Variants in MME observed in about 807,000 individuals in gnomAD.
MME encodes the protein membrane metalloendopeptidase, also known as neprilysin.
Under a neutral mutation model 113.2 loss-of-function variants are expected in MME, and 98 were observed. The ratio of observed to expected loss-of-function variants is 0.87; its 90% CI spans 0.74 to 1.02. MME has a LOEUF of 1.02. Among genes scored for constraint, MME ranks in the 50% least tolerant of loss-of-function variants. The pLI, the probability that MME is intolerant of heterozygous loss-of-function variation, is 0.00. For missense variants in MME, 836 were observed against 896.0 expected, an observed-to-expected ratio of 0.93 and a Z score of 0.86; for synonymous variants, 292 against 300.6, an observed-to-expected ratio of 0.97 and a Z score of 0.30.
At chr3:155,087,079 C>A (rs1324388915) in intron 3 of MME, among the ~76,000 whole-genome samples, 6 of 150,162 alleles carry the variant, frequency 4.0e-5, no homozygotes, top group African/African-American at 1.5e-4. Flanking sequence ...ATCAAGCAGT[C>A]CTCCTACTTG....
intron 1 of MME, among the ~76,000 whole-genome samples, chr3:155,055,947 G>T (rs1023525450): frequency 5.3e-5 from 8 of 152,034 alleles, no homozygotes; most frequent in Admixed American, 2.0e-4. Flanking sequence ...TTAGGCCATT[G>T]TTTGTTTGTT....
intron 1 of MME, among the ~76,000 whole-genome samples, chr3:155,059,127 C>T (rs369318961): frequency 4.0e-5 from 6 of 151,820 alleles, no homozygotes; most frequent in Non-Finnish European, 5.9e-5. Context: ...TGCTGGTGTA[C>T]GCCTGTAATC....
chr3:155,052,722 C>T (rs1436030309), intron 1 of MME, among the ~76,000 whole-genome samples: 1 of 152,192 alleles, frequency 6.6e-6, no homozygotes, highest in African/African-American at 2.4e-5. Flanking sequence ...TTTGGCATGT[C>T]GTGGAGACAT....
At chr3:155,097,584 A>C (rs1417059845) in intron 3 of MME, among the ~76,000 whole-genome samples, 1 of 152,186 alleles carries the variant, frequency 6.6e-6, no homozygotes, top group Non-Finnish European at 1.5e-5. Flanking sequence ...AAGAGGATGT[A>C]TATCCAGAGA....
intron 1 of MME, among the ~76,000 whole-genome samples, chr3:155,059,817 CTAAT>C (rs1236651104): frequency 6.6e-6 from 1 of 152,000 alleles, no homozygotes; most frequent in East Asian, 1.9e-4. Context: ...TTTATATAGT[CTAAT>C]CAATCAGAAA....
Position 155,115,080 on chromosome 3 carries a change from A to C in MME, c.283A>C (p.Asn95His). ...KYACGGWLKR[N>H]VIPETSSRYG... ...TGCTTGCGGAGGCTGGTTGAAACGT[A>C]ATGTCATTCCCGAGACCAGCTCCCG... The change falls in exon 4 of 23, where the codon AAT becomes CAT. Residue 95 changes from asparagine to histidine, a missense_variant. Transcript: ENST00000360490. The C allele has an allele frequency of 6.2e-7, 1 of 1,614,122 alleles. No individual in the cohort carries two copies. Among genetic ancestry groups the C allele is most frequent in the Non-Finnish European group, 8.5e-7 (1 of 1,180,016 alleles).
chr3:155,153,448 A>G (rs892141751), intron 16 of MME, among the ~76,000 whole-genome samples: 14 of 152,222 alleles, frequency 9.2e-5, no homozygotes, highest in African/African-American at 3.4e-4. Context: ...TGAATCGGGA[A>G]TATAATACCC....
intron 1 of MME, among the ~76,000 whole-genome samples, chr3:155,051,170 G>A (rs1454112377): frequency 2.0e-5 from 3 of 152,278 alleles, no homozygotes; most frequent in African/African-American, 7.2e-5. Flanking sequence ...CTAGAAGTAA[G>A]AACAAACATC....
chr3:155,124,768 C>T (rs887532419), intron 8 of MME, among the ~76,000 whole-genome samples: 2 of 151,990 alleles, frequency 1.3e-5, no homozygotes, highest in Admixed American at 6.5e-5. Context: ...AGGAGGCAGT[C>T]TGCCGGTTCT....
chr3:155,050,665 T>C (rs945308080), intron 1 of MME, among the ~76,000 whole-genome samples: 6 of 152,214 alleles, frequency 3.9e-5, no homozygotes, highest in Non-Finnish European at 7.3e-5. Flanking sequence ...TTTGCCCACT[T>C]TTTAATGGGG....
Position 155,182,333 on chromosome 3 carries a change from T to C in MME, c.*1874T>C, listed in dbSNP as rs1713176105. ...CTATTGTTGATGGGCACTTGAGAACTTTCCATTTTGGCGCTATTACAAATA... is the reference window on the plus strand; with the variant it reads ...CTATTGTTGATGGGCACTTGAGAACCTTCCATTTTGGCGCTATTACAAATA... On this transcript the variant is annotated 3_prime_UTR_variant, in exon 23 of 23. Coordinates refer to ENST00000360490, the MANE Select transcript of MME (RefSeq NM_007289.4). The C allele has an allele frequency of 6.6e-6, 1 of 152,208 alleles. No individual in the cohort carries two copies. The highest frequency in any genetic ancestry group is 2.4e-5 in the African/African-American group (1 of 41,452). 9.4% of individuals were successfully genotyped at this position (152,208 alleles called of 1,614,324 possible). A position where few individuals can be genotyped will look rare whatever the true frequency, so the allele number is the denominator to read the frequency against.
intron 1 of MME, chr3:155,081,193 G>A (rs904771743): frequency 6.6e-6 from 1 of 152,178 alleles, no homozygotes; most frequent in Non-Finnish European, 1.5e-5. Context: ...ACAGCTTCAG[G>A]AACCTGCAGA....
chr3:155,065,503 C>A (rs1180440409), intron 1 of MME, among the ~76,000 whole-genome samples: 3 of 152,128 alleles, frequency 2.0e-5, no homozygotes. Flanking sequence ...AAAAGTGGAA[C>A]AGGATATAGT....
At chr3:155,127,487 G>C (rs1719782469) in intron 8 of MME, among the ~76,000 whole-genome samples, 1 of 152,234 alleles carries the variant, frequency 6.6e-6, no homozygotes, top group African/African-American at 2.4e-5. Context: ...ACATTGTCAT[G>C]TGGCCACAAC....
At chr3:155,034,468 C>T (rs1383542339) in intron 1 of MME, among the ~76,000 whole-genome samples, 2 of 152,144 alleles carry the variant, frequency 1.3e-5, no homozygotes, top group Admixed American at 6.5e-5. Flanking sequence ...TGATGTTTTC[C>T]TGGCCTTGTG....
rs920465143 is a variant in MME at position 155,144,236 on chromosome 3, T to C, written c.1318-123T>C. On this transcript the variant is annotated intron_variant, in intron 13 of 22. Transcript: ENST00000360490. Reference sequence around the variant, plus strand: ...ATCTGTTAGCTTAGGTCACAGTTTGTCTATAAATTTACGTTTATTAACATA... The same window carrying C: ...ATCTGTTAGCTTAGGTCACAGTTTGCCTATAAATTTACGTTTATTAACATA... 48 of 722,632 alleles carry C rather than the reference T, an allele frequency of 6.6e-5. No homozygotes were observed. The Admixed American group carries it at 7.1e-4, about 11-fold the overall frequency. 44.8% of individuals were successfully genotyped at this position (722,632 alleles called of 1,614,324 possible). A position where few individuals can be genotyped will look rare whatever the true frequency, so the allele number is the denominator to read the frequency against.
chr3:155,122,251 A>T (rs1004120859), intron 8 of MME, among the ~76,000 whole-genome samples: 5 of 152,044 alleles, frequency 3.3e-5, no homozygotes, highest in Middle Eastern at 3.4e-3. Flanking sequence ...TTTCTGTAGG[A>T]TCGGTGGTGA....
intron 8 of MME, among the ~76,000 whole-genome samples, chr3:155,135,444 T>C (rs1410680512): frequency 6.8e-6 from 1 of 148,114 alleles, no homozygotes; most frequent in Non-Finnish European, 1.5e-5. Context: ...CAGATGGCTG[T>C]AGGTGTGCTG....
At chr3:155,146,015 A>G (rs1273049454) in intron 14 of MME, among the ~76,000 whole-genome samples, 1 of 152,070 alleles carries the variant, frequency 6.6e-6, no homozygotes, top group East Asian at 1.9e-4. Flanking sequence ...AAACCATGTA[A>G]CTCAGAGATA....
Sources: gnomAD v4.1 joint callset for allele counts (sites outside exome capture counted in the v4.1 genomes callset) on GRCh38, gnomAD v4.1.1 for gene constraint, MANE v1.5 for transcripts, NCBI Gene and HGNC (gene_info 2026-07-23, HGNC 2026-07-21) for gene names.